Variants in FBXL4 observed in about 807,000 individuals in gnomAD.
FBXL4 encodes the protein F-box and leucine rich repeat protein 4, also known as F-box/LRR-repeat protein 4.
In FBXL4, 40 loss-of-function variants were observed where a neutral mutation model predicts 58.9. The observed-to-expected ratio is 0.68, with a 90% CI of 0.53 to 0.88. The LOEUF (loss-of-function observed/expected upper bound fraction) is 0.88. FBXL4 is among the 40% of genes least tolerant of loss of function. The pLI is 0.00. For synonymous variants in FBXL4, 263 were observed against 265.5 expected, an observed-to-expected ratio of 0.99 and a Z score of 0.09; for missense variants, 676 against 734.4, an observed-to-expected ratio of 0.92 and a Z score of 0.92.
intron 1 of FBXL4, among the ~76,000 whole-genome samples, chr6:98,937,087 A>C (rs188662251): frequency 8.4e-4 from 128 of 152,318 alleles, no homozygotes; most frequent in African/African-American, 2.5e-3. Flanking sequence ...AGGCAGGTGG[A>C]TCACCAGAGG....
At chr6:98,880,647 A>T (rs1037875945) in intron 7 of FBXL4, 23 bp from the exon 8 acceptor site, 3 of 1,602,502 alleles carry the variant, frequency 1.9e-6, no homozygotes, top group Non-Finnish European at 2.6e-6. Flanking sequence ...ACCACATCAG[A>T]GGCAAATATG....
chr6:98,899,274 T>C lies in FBXL4; in HGVS notation c.1311A>G (p.Lys437=), dbSNP rs764445798. 1.7e-5 allele frequency: 27 copies of C among 1,613,728 alleles called. No individual in the cohort carries two copies. The highest frequency in any genetic ancestry group is 2.2e-5 in the Non-Finnish European group (26 of 1,179,844). The change falls in exon 7 of 10, where the codon AAA becomes AAG. Residue 437 remains lysine (K), a synonymous_variant. Coordinates refer to ENST00000369244, the MANE Select transcript of FBXL4 (RefSeq NM_001278716.2). The stretch of plus-strand genomic sequence containing the variant: ...AATTATGAATTACTCTCACCTCTAC[T>C]TTTGTTCGATAGAGAACAAGTCGTT... ...SLKRLVLYRT[K]VEQTALLSIL...
intron 5 of FBXL4, among the ~76,000 whole-genome samples, chr6:98,913,347 C>A (rs1053293743): frequency 1.3e-5 from 2 of 152,098 alleles, no homozygotes; most frequent in African/African-American, 4.8e-5. Context: ...CTACAGAACT[C>A]TCCACCCCAA....
At chr6:98,942,235 A>C (rs1239053748) in intron 1 of FBXL4, among the ~76,000 whole-genome samples, 2 of 152,134 alleles carry the variant, frequency 1.3e-5, no homozygotes, top group Non-Finnish European at 2.9e-5. Flanking sequence ...TACTTCAAAA[A>C]CAGGGAAGAC....
At chr6:98,878,531 C>A (rs1489124985) in intron 8 of FBXL4, among the ~76,000 whole-genome samples, 1 of 152,030 alleles carries the variant, frequency 6.6e-6, no homozygotes, top group Non-Finnish European at 1.5e-5. Flanking sequence ...GGAATCTCCA[C>A]TCCACCCCCA....
chr6:98,910,449 C>G (rs917085512), intron 5 of FBXL4, among the ~76,000 whole-genome samples: 1 of 151,696 alleles, frequency 6.6e-6, no homozygotes, highest in East Asian at 1.9e-4. Context: ...GTCAGGAGAT[C>G]GAGACAATAC....
At chr6:98,881,857 T>C (rs913408550) in intron 7 of FBXL4, among the ~76,000 whole-genome samples, 1 of 152,016 alleles carries the variant, frequency 6.6e-6, no homozygotes, top group African/African-American at 2.4e-5. Context: ...TATATTAAGA[T>C]AATTTAATTT....
intron 5 of FBXL4, among the ~76,000 whole-genome samples, chr6:98,917,093 T>C (rs1443268543): frequency 6.6e-6 from 1 of 152,178 alleles, no homozygotes; most frequent in African/African-American, 2.4e-5. Flanking sequence ...AAGTGGATTG[T>C]TACTTATTAC....
intron 7 of FBXL4, among the ~76,000 whole-genome samples, chr6:98,892,195 A>T (rs1325309060): frequency 2.0e-5 from 3 of 152,258 alleles, no homozygotes; most frequent in African/African-American, 7.2e-5. Context: ...GTTTAAGAAC[A>T]AAGTAATTAC....
intron 2 of FBXL4, among the ~76,000 whole-genome samples, chr6:98,930,933 G>A (rs968021317): frequency 2.0e-5 from 3 of 152,136 alleles, no homozygotes; most frequent in African/African-American, 7.2e-5. Context: ...AAGTTAAACT[G>A]CAAAAATAAA....
intron 5 of FBXL4, 63 bp downstream of exon 5, chr6:98,917,311 T>A: frequency 9.2e-7 from 1 of 1,089,458 alleles, no homozygotes; most frequent in Non-Finnish European, 1.3e-6. Context: ...TAAACATTAA[T>A]ATCTAAAGAT....
Position 98,871,756 on chromosome 6 carries a change from C to T in FBXL4, c.*2522G>A, listed in dbSNP as rs1308242623. ...TCATAGTTTCTGATAGATTAAACAT[C>T]AATGGTTCAGTTATCTTTTGTCAGA... On this transcript the variant is annotated 3_prime_UTR_variant, in exon 10 of 10. Transcript: ENST00000369244. 1.3e-5 allele frequency: 2 copies of T among 152,134 alleles called. No homozygotes were observed. Among genetic ancestry groups the T allele is most frequent in the Non-Finnish European group, 2.9e-5 (2 of 68,038 alleles). 9.4% of individuals were successfully genotyped at this position (152,134 alleles called of 1,614,324 possible). A position where few individuals can be genotyped will look rare whatever the true frequency, so the allele number is the denominator to read the frequency against.
chr6:98,932,304 A>G (rs148536039), intron 2 of FBXL4, among the ~76,000 whole-genome samples: 2 of 152,344 alleles, frequency 1.3e-5, no homozygotes, highest in African/African-American at 4.8e-5. Flanking sequence ...TTATACTAGC[A>G]CAATCAAGGA....
chr6:98,914,377 A>G (rs1173521681), intron 5 of FBXL4, among the ~76,000 whole-genome samples: 1 of 152,252 alleles, frequency 6.6e-6, no homozygotes, highest in African/African-American at 2.4e-5. Context: ...AGAGAGTTTT[A>G]GACCAATATC....
chr6:98,915,401 G>A (rs1214902685), intron 5 of FBXL4, among the ~76,000 whole-genome samples: 14 of 152,198 alleles, frequency 9.2e-5, no homozygotes, highest in African/African-American at 2.6e-4. Context: ...GAGGCATCAT[G>A]CTACCTGACT....
chr6:98,914,062 A>G (rs372730969), intron 5 of FBXL4, among the ~76,000 whole-genome samples: 1 of 152,182 alleles, frequency 6.6e-6, no homozygotes, highest in Non-Finnish European at 1.5e-5. Flanking sequence ...ACTAGAAAAT[A>G]TAGAAGAAAT....
chr6:98,917,902 ATTAAT>A (rs774048645), intron 4 of FBXL4, among the ~76,000 whole-genome samples, 183 bp from the exon 5 acceptor site: 11 of 152,298 alleles, frequency 7.2e-5, no homozygotes, highest in Non-Finnish European at 1.6e-4. Flanking sequence ...CACAGACCTT[ATTAAT>A]TTATTTTTAT....
intron 8 of FBXL4, among the ~76,000 whole-genome samples, chr6:98,876,840 C>T (rs565818855): frequency 3.9e-5 from 6 of 152,218 alleles, no homozygotes; most frequent in African/African-American, 7.2e-5. Context: ...GGCAGAGTCA[C>T]GCAGTGGCCA....
At chr6:98,887,102 T>C (rs889376292) in intron 7 of FBXL4, among the ~76,000 whole-genome samples, 1 of 151,690 alleles carries the variant, frequency 6.6e-6, no homozygotes, top group African/African-American at 2.4e-5. Flanking sequence ...TGTAAATAAA[T>C]AAAAATAAAA....
Sources: allele counts gnomAD v4.1 joint callset (sites outside exome capture counted in the v4.1 genomes callset), GRCh38; gene constraint gnomAD v4.1.1; transcripts MANE v1.5; gene names NCBI Gene and HGNC (gene_info 2026-07-23, HGNC 2026-07-21).